Variants in TNIP1 observed in about 807,000 individuals in gnomAD.
TNIP1 encodes the protein TNFAIP3 interacting protein 1, also known as TNFAIP3-interacting protein 1.
TNIP1 carries 22 observed loss-of-function variants against 86.6 expected under a neutral mutation model. That is an observed-to-expected ratio of 0.25 (90% CI 0.18 to 0.36). TNIP1 has a LOEUF of 0.36. TNIP1 is among the 10% of genes least tolerant of loss of function. The probability of loss-of-function intolerance (pLI) is 1.00; values close to 1 mark genes in which losing one functional copy is unlikely to be tolerated. For missense variants in TNIP1, 709 were observed against 820.6 expected (o/e 0.86, Z 1.66); for synonymous variants, 294 against 313.0 (o/e 0.94, Z 0.64).
intron 6 of TNIP1, among the ~76,000 whole-genome samples, chr5:151,052,640 CCT>C (rs1324915330): frequency 6.6e-6 from 1 of 152,220 alleles, no homozygotes; most frequent in African/African-American, 2.4e-5. Context: ...AGAAGTCCTC[CCT>C]GACTCCCCGA....
At chr5:151,050,225 C>A (rs1186448747) in intron 7 of TNIP1, among the ~76,000 whole-genome samples, 1 of 152,330 alleles carries the variant, frequency 6.6e-6, no homozygotes, top group South Asian at 2.1e-4. Context: ...ATTAAATAAC[C>A]CTGGATCACA....
intron 1 of TNIP1, among the ~76,000 whole-genome samples, chr5:151,078,944 G>C (rs964496306): frequency 6.6e-6 from 1 of 152,188 alleles, no homozygotes; most frequent in African/African-American, 2.4e-5. Flanking sequence ...CAAGTCACAG[G>C]CAGCACTGGG....
chr5:151,039,345 C>T (rs1450191638), intron 11 of TNIP1, 120 bp from the exon 12 acceptor site: 1 of 1,141,954 alleles, frequency 8.8e-7, no homozygotes, highest in African/African-American at 1.6e-5. Context: ...ACAATGCTCA[C>T]ATGCAAAGCA....
At chr5:151,041,278 C>T (rs1249298562) in intron 11 of TNIP1, among the ~76,000 whole-genome samples, 1 of 152,136 alleles carries the variant, frequency 6.6e-6, no homozygotes, top group Non-Finnish European at 1.5e-5. Context: ...ACCATGTTGG[C>T]CAGGCTGGTC....
Position 151,045,847 on chromosome 5 carries a change from C to A in TNIP1, c.936+14G>T. 6.2e-7 allele frequency: 1 copy of A among 1,613,542 alleles called. No individual in the cohort carries two copies. Among genetic ancestry groups the A allele is most frequent in the Non-Finnish European group, 8.5e-7 (1 of 1,179,918 alleles). On this transcript the variant is annotated intron_variant, in intron 9 of 17. Coordinates refer to ENST00000521591, the MANE Select transcript of TNIP1 (RefSeq NM_006058.5). ...AAGAGGGATCCTCCCACTACTGCCA[C>A]CTCGGCCACCTACCTCACTGCGCTG...
intron 7 of TNIP1, 107 bp from the exon 8 acceptor site, chr5:151,050,054 G>A: frequency 1.3e-6 from 2 of 1,542,196 alleles, no homozygotes; most frequent in Non-Finnish European, 1.7e-6. Flanking sequence ...GCCCCAGGGA[G>A]TACTGCAGGA....
intron 1 of TNIP1, 107 bp from the exon 2 acceptor site, chr5:151,065,238 A>G (rs1762088810): frequency 2.1e-6 from 2 of 941,996 alleles, no homozygotes; most frequent in Non-Finnish European, 3.1e-6. Flanking sequence ...CCCCACTTTA[A>G]GCTGGTCTGA....
rs377591817 is a variant in TNIP1, at chr5:151,033,708, G to C, written c.1679C>G (p.Pro560Arg). ...GGACCAGTCCTCGAAGCCATGGTGT[G>C]GCACCATGGCTGGCATGGGCGGGTA... The part of the protein sequence containing the change: ...YAYPPMPAMV[P>R]HHGFEDWSQI... Residue 560 changes from proline to arginine, a missense_variant, in exon 16 of 18, where the codon CCA becomes CGA. By Grantham distance (103) the Pro-to-Arg change is moderately radical. Coordinates refer to ENST00000521591, the MANE Select transcript of TNIP1 (RefSeq NM_006058.5). 5.2e-6 allele frequency: 7 copies of C among 1,356,222 alleles called. No homozygotes were observed. Among genetic ancestry groups the C allele is most frequent in the Non-Finnish European group, 6.7e-6 (7 of 1,044,246 alleles). The allele number at this position is 1,356,222 out of a possible 1,614,324, so 84.0% of individuals were successfully genotyped here. A position where few individuals can be genotyped will look rare whatever the true frequency, so the allele number is the denominator to read the frequency against.
intron 17 of TNIP1, 37 bp from the exon 18 acceptor site, chr5:151,030,784 G>A (rs1756783135): frequency 6.5e-7 from 1 of 1,529,778 alleles, no homozygotes; most frequent in Non-Finnish European, 9.0e-7. Context: ...TCATGATTAT[G>A]TGGTAGAGCG....
chr5:151,044,837 T>TC (rs1422620052), intron 9 of TNIP1, among the ~76,000 whole-genome samples: 2 of 152,140 alleles, frequency 1.3e-5, no homozygotes, highest in African/African-American at 4.8e-5. Flanking sequence ...GCACAGGGAC[T>TC]CTGCTGCGTG....
chr5:151,084,803 G>A (rs1764218646), upstream of TNIP1, among the ~76,000 whole-genome samples: 2 of 152,194 alleles, frequency 1.3e-5, no homozygotes, highest in South Asian at 2.1e-4. Flanking sequence ...TCTCAGGAGT[G>A]TAAGACCCTC....
Position 151,052,089 on chromosome 5 carries a change from G to C in TNIP1, c.722+76C>G, listed in dbSNP as rs762900079. The C allele has an allele frequency of 2.4e-4, 330 of 1,393,274 alleles. 2 individuals are homozygous for C. Among genetic ancestry groups the C allele is most frequent in the Non-Finnish European group, 3.0e-4 (303 of 996,686 alleles). 86.3% of individuals were successfully genotyped at this position (1,393,274 alleles called of 1,614,324 possible). Reference sequence around the variant, plus strand: ...CCTCAGAGCCACGGTCCTCAACCCAGAAATCAGTGCTGCACACCAGCCCCT... The same window carrying C: ...CCTCAGAGCCACGGTCCTCAACCCACAAATCAGTGCTGCACACCAGCCCCT... On this transcript the variant is annotated intron_variant, in intron 7 of 17. Coordinates refer to ENST00000521591, the MANE Select transcript of TNIP1 (RefSeq NM_006058.5).
At chr5:151,043,780 AAAAAAAAGAAAAG>A (rs1758765575) in intron 9 of TNIP1, among the ~76,000 whole-genome samples, 2 of 149,906 alleles carry the variant, frequency 1.3e-5, no homozygotes, top group African/African-American at 2.5e-5. Context: ...TATCTTAAAA[AAAAAAAAGAAAAG>A]AAAAAAAGAA....
At chr5:151,055,212 C>G (rs573822413) in intron 6 of TNIP1, among the ~76,000 whole-genome samples, 21 of 151,930 alleles carry the variant, frequency 1.4e-4, no homozygotes, top group Non-Finnish European at 3.1e-4. Context: ...AGCTTACCTT[C>G]TAGCAGAGAG....
chr5:151,080,691 G>A (rs958811243), intron 1 of TNIP1, among the ~76,000 whole-genome samples, 189 bp downstream of exon 1: 1 of 152,190 alleles, frequency 6.6e-6, no homozygotes, highest in Non-Finnish European at 1.5e-5. Context: ...ACCAGGCCCA[G>A]CGCCAAGCAG....
At chr5:151,071,114 G>A (rs377744787) in intron 1 of TNIP1, among the ~76,000 whole-genome samples, 1 of 152,122 alleles carries the variant, frequency 6.6e-6, no homozygotes, top group East Asian at 1.9e-4. Flanking sequence ...AAAAAATAAG[G>A]TCTTTAATTT....
chr5:151,084,659 A>AGAACATT (rs1764213102), upstream of TNIP1, among the ~76,000 whole-genome samples: 1 of 152,168 alleles, frequency 6.6e-6, no homozygotes, highest in Non-Finnish European at 1.5e-5. Flanking sequence ...AAATCAAACA[A>AGAACATT]GAACATTCCT....
chr5:151,036,325 C>T (rs1177437778), intron 13 of TNIP1, among the ~76,000 whole-genome samples: 2 of 152,170 alleles, frequency 1.3e-5, no homozygotes, highest in Non-Finnish European at 2.9e-5. Context: ...CATTTTAGTA[C>T]CTGCCAATCT....
At chr5:151,068,097 TG>T (rs1762444621) in intron 1 of TNIP1, among the ~76,000 whole-genome samples, 1 of 152,074 alleles carries the variant, frequency 6.6e-6, no homozygotes, top group African/African-American at 2.4e-5. Flanking sequence ...GGGCAGAGCT[TG>T]GGGAGAAAGA....
Sources: gnomAD v4.1 joint callset for allele counts (sites outside exome capture counted in the v4.1 genomes callset) on GRCh38, gnomAD v4.1.1 for gene constraint, MANE v1.5 for transcripts, NCBI Gene and HGNC (gene_info 2026-07-23, HGNC 2026-07-21) for gene names.